MSRB2: variants seen among roughly 807,000 people sequenced by gnomAD.
MSRB2 encodes the protein methionine sulfoxide reductase B2.
In MSRB2, 17 loss-of-function variants were observed where a neutral mutation model predicts 19.0. The observed-to-expected ratio is 0.89, with a 90% CI of 0.61 to 1.34. The LOEUF is 1.34. MSRB2 is among the 40% of genes most tolerant of loss of function. The pLI is 0.00. For synonymous variants in MSRB2, 107 were observed against 99.7 expected (o/e 1.07, Z -0.44); for missense variants, 208 against 237.6 (o/e 0.88, Z 0.82).
chr10:23,095,808 C>G (rs1459731008), intron 1 of MSRB2, 82 bp downstream of exon 1: 12 of 958,440 alleles, frequency 1.3e-5, no homozygotes, highest in Non-Finnish European at 1.5e-5. Context: ...AGCCTAGGGC[C>G]GGTCCAGGCC....
intron 4 of MSRB2, among the ~76,000 whole-genome samples, chr10:23,120,515 G>A (rs1840169730): frequency 6.6e-6 from 1 of 152,182 alleles, no homozygotes; most frequent in South Asian, 2.1e-4. Context: ...ATTTTTAGAT[G>A]AGTAACTGTA....
In MSRB2 at chr10:23,110,249, G is replaced by C. The variant is rs1840034800; in HGVS notation, c.227G>C (p.Ser76Thr). Reference protein sequence around the residue: ...TREKGTEPPFSGIYLNNKEAG... With the variant: ...TREKGTEPPFTGIYLNNKEAG... ...TATCTAATTTACTTTCAGCCTTTCAGTGGGATCTACCTGAATAACAAGGAA... is the reference window on the plus strand; with the variant it reads ...TATCTAATTTACTTTCAGCCTTTCACTGGGATCTACCTGAATAACAAGGAA... Residue 76 changes from serine to threonine, a missense_variant, in exon 3 of 5, where the codon AGT (serine) becomes ACT (threonine). By Grantham distance (58) the Ser-to-Thr change is moderately conservative. Transcript: ENST00000376510. The C allele has an allele frequency of 2.5e-6, 4 of 1,613,292 alleles. No homozygotes were observed. In the South Asian group the frequency reaches 4.4e-5, roughly 18 times the overall value.
intron 1 of MSRB2, among the ~76,000 whole-genome samples, chr10:23,101,024 T>C (rs996209737): frequency 6.6e-6 from 1 of 152,172 alleles, no homozygotes; most frequent in Non-Finnish European, 1.5e-5. Context: ...TTAATTTCAA[T>C]AGCTTTTGGG....
chr10:23,114,489 T>C (rs987586969), intron 3 of MSRB2, among the ~76,000 whole-genome samples: 14 of 152,142 alleles, frequency 9.2e-5, no homozygotes, highest in African/African-American at 3.4e-4. Flanking sequence ...AATAAGGAGC[T>C]ATTAAGACCC....
intron 1 of MSRB2, among the ~76,000 whole-genome samples, chr10:23,098,567 G>C (rs75862703): frequency 6.6e-6 from 1 of 152,348 alleles, no homozygotes; most frequent in African/African-American, 2.4e-5. Flanking sequence ...TCTGGAAAAT[G>C]TGTAGCCCCC....
intron 1 of MSRB2, among the ~76,000 whole-genome samples, chr10:23,101,843 A>G (rs1010003030): frequency 5.9e-5 from 9 of 152,166 alleles, no homozygotes; most frequent in Admixed American, 5.9e-4. Context: ...ATTTTGGAAT[A>G]ATTTTAGATT....
chr10:23,095,977 T>C (rs1315716556), intron 1 of MSRB2, among the ~76,000 whole-genome samples: 1 of 151,056 alleles, frequency 6.6e-6, no homozygotes, highest in Non-Finnish European at 1.5e-5. Flanking sequence ...AATGTGCGCA[T>C]AATTTTTTTT....
intron 3 of MSRB2, among the ~76,000 whole-genome samples, chr10:23,116,863 A>C (rs2131633221): frequency 6.6e-6 from 1 of 152,294 alleles, no homozygotes; most frequent in African/African-American, 2.4e-5. Flanking sequence ...GCATGGCCTT[A>C]GGTCCTGTTT....
chr10:23,099,273 G>A (rs964247863), intron 1 of MSRB2, among the ~76,000 whole-genome samples: 1 of 152,204 alleles, frequency 6.6e-6, no homozygotes, highest in South Asian at 2.1e-4. Flanking sequence ...CCAACTGAGC[G>A]TTCATCATTT....
rs772671854 is a variant in MSRB2, at chr10:23,106,809, T to C, written c.219+2565T>C. Among the ~76,000 whole-genome samples, 3 of 152,194 alleles carry C rather than the reference T, an allele frequency of 2.0e-5. 1 individual carries two copies. The highest frequency in any genetic ancestry group is 4.8e-5 in the African/African-American group (2 of 41,446). On this transcript the variant is annotated intron_variant, in intron 2 of 4. Coordinates refer to ENST00000376510, the MANE Select transcript of MSRB2 (RefSeq NM_012228.4). Reference sequence around the variant, plus strand: ...AGCCCAGGGATGCGTTGCCCTCACTTGTGGATTTCCATTGGCCCCGTCTGC... The same window carrying C: ...AGCCCAGGGATGCGTTGCCCTCACTCGTGGATTTCCATTGGCCCCGTCTGC...
chr10:23,095,863 C>T (rs576646295), intron 1 of MSRB2, 137 bp downstream of exon 1: 7 of 464,320 alleles, frequency 1.5e-5, no homozygotes, highest in African/African-American at 4.1e-5. Flanking sequence ...GCCCCTCCCC[C>T]CCCCCAGCCC....
intron 3 of MSRB2, among the ~76,000 whole-genome samples, chr10:23,116,001 T>C (rs368584093): frequency 1.5e-4 from 23 of 152,296 alleles, no homozygotes; most frequent in African/African-American, 5.3e-4. Flanking sequence ...ATGAATGTTT[T>C]TGAACCCCTG....
chr10:23,120,530 C>A (rs1477196127), intron 4 of MSRB2, among the ~76,000 whole-genome samples: 1 of 152,144 alleles, frequency 6.6e-6, no homozygotes, highest in Non-Finnish European at 1.5e-5. Context: ...ACTGTAAAGG[C>A]CCAAATTTAA....
At chr10:23,105,892 G>A (rs944009274) in intron 2 of MSRB2, among the ~76,000 whole-genome samples, 3 of 152,170 alleles carry the variant, frequency 2.0e-5, no homozygotes, top group Admixed American at 6.5e-5. Context: ...TCCTGTAGGC[G>A]GGATTTTACT....
intron 2 of MSRB2, among the ~76,000 whole-genome samples, chr10:23,104,602 A>G (rs1839964261): frequency 6.6e-6 from 1 of 152,134 alleles, no homozygotes; most frequent in Non-Finnish European, 1.5e-5. Flanking sequence ...GAAAACACAG[A>G]TCTGACCATA....
intron 2 of MSRB2, among the ~76,000 whole-genome samples, chr10:23,108,640 A>AT (rs967708894): frequency 1.3e-5 from 2 of 150,430 alleles, no homozygotes; most frequent in African/African-American, 4.9e-5. Flanking sequence ...CATGCCTGGC[A>AT]TTTTTTTGCA....
Position 23,120,901 on chromosome 10 carries a change from G to A in MSRB2, c.*39G>A, listed in dbSNP as rs376748201. On this transcript the variant is annotated 3_prime_UTR_variant, in exon 5 of 5. Transcript: ENST00000376510. The stretch of plus-strand genomic sequence containing the variant: ...TCCCGTTCCCTTGCCACCCCTTCAC[G>A]TGCACCCTCAATTTCCACAATTCAC... 4.1e-6 allele frequency: 6 copies of A among 1,469,792 alleles called. No homozygotes were observed. Among genetic ancestry groups the A allele is most frequent in the Middle Eastern group, 1.7e-4 (1 of 5,758 alleles). The allele number at this position is 1,469,792 out of a possible 1,614,324, so 91.0% of individuals were successfully genotyped here.
chr10:23,119,244 C>A, intron 3 of MSRB2, 60 bp from the exon 4 acceptor site: 1 of 1,593,968 alleles, frequency 6.3e-7, no homozygotes, highest in East Asian at 2.2e-5. Flanking sequence ...ATCGGGGCAC[C>A]TCTTGGCATG....
Position 23,104,218 on chromosome 10 carries a change from G to A in MSRB2, c.193G>A (p.Val65Ile), listed in dbSNP as rs745379676. The A allele has an allele frequency of 9.9e-6, 16 of 1,613,686 alleles. No homozygotes were observed. Among genetic ancestry groups the A allele is most frequent in the African/African-American group, 8.0e-5 (6 of 74,984 alleles). Residue 65 changes from valine (V) to isoleucine (I), a missense_variant, in exon 2 of 5, where the codon GTC (valine) becomes ATC (isoleucine). By Grantham distance (29) the Val-to-Ile change is conservative. Coordinates refer to ENST00000376510, the MANE Select transcript of MSRB2 (RefSeq NM_012228.4). The part of the protein sequence containing the change: ...QKKLTPEQFY[V>I]TREKGTEPPF... ...GAAACTAACCCCGGAGCAGTTCTAC[G>A]TCACAAGAGAAAAGGGAACGGAACC...
Sources: allele counts gnomAD v4.1 joint callset (sites outside exome capture counted in the v4.1 genomes callset), GRCh38; gene constraint gnomAD v4.1.1; transcripts MANE v1.5; gene names NCBI Gene and HGNC (gene_info 2026-07-23, HGNC 2026-07-21).